RAD51B: variants seen among roughly 807,000 people sequenced by gnomAD.
RAD51B encodes the protein RAD51 paralog B.
RAD51B carries 38 observed loss-of-function variants against 42.2 expected under a neutral mutation model. The ratio of observed to expected loss-of-function variants is 0.90; its 90% CI spans 0.70 to 1.18. The LOEUF is 1.18. Among genes scored for constraint, RAD51B ranks in the 50% most tolerant of loss-of-function variants. The pLI, the probability that RAD51B is intolerant of heterozygous loss-of-function variation, is 0.00. For missense variants in RAD51B, 373 were observed against 400.7 expected (o/e 0.93, Z 0.59); for synonymous variants, 154 against 145.2 (o/e 1.06, Z -0.43).
At chr14:68,205,920 T>C (rs1293935013) in intron 7 of RAD51B, among the ~76,000 whole-genome samples, 1 of 152,230 alleles carries the variant, frequency 6.6e-6, no homozygotes, top group Non-Finnish European at 1.5e-5. Flanking sequence ...TAAATACTTC[T>C]ATCTAATCTA....
chr14:68,588,298 G>T (rs1890584373), intron 10 of RAD51B, among the ~76,000 whole-genome samples: 1 of 152,186 alleles, frequency 6.6e-6, no homozygotes, highest in South Asian at 2.1e-4. Flanking sequence ...CCTAGTCAAT[G>T]TTAGCAGCAC....
intron 7 of RAD51B, among the ~76,000 whole-genome samples, chr14:67,923,363 G>A (rs1324545185): frequency 8.1e-5 from 12 of 147,248 alleles, no homozygotes; most frequent in Non-Finnish European, 1.3e-4. Flanking sequence ...GCAATGGTGC[G>A]ATCTCGGCTT....
chr14:68,587,533 A>G (rs1244899934), intron 10 of RAD51B, among the ~76,000 whole-genome samples: 1 of 151,822 alleles, frequency 6.6e-6, no homozygotes, highest in African/African-American at 2.4e-5. Context: ...GGAGAAGCAA[A>G]CCCCTAATTC....
chr14:67,834,783 C>G (rs957589170), intron 3 of RAD51B, among the ~76,000 whole-genome samples: 2 of 152,152 alleles, frequency 1.3e-5, no homozygotes, highest in African/African-American at 4.8e-5. Flanking sequence ...TATACTTTCC[C>G]TATTACAATA....
chr14:68,475,077 G>A (rs1331999751), intron 10 of RAD51B, among the ~76,000 whole-genome samples: 1 of 152,224 alleles, frequency 6.6e-6, no homozygotes, highest in Non-Finnish European at 1.5e-5. Flanking sequence ...GCATGAGATA[G>A]AGAATGGTGG....
chr14:68,176,393 A>T (rs193190002), intron 7 of RAD51B, among the ~76,000 whole-genome samples: 1 of 152,156 alleles, frequency 6.6e-6, no homozygotes, highest in Non-Finnish European at 1.5e-5. Flanking sequence ...GTTCTCAAAG[A>T]CTTAGCTCTT....
At chr14:68,258,989 A>G (rs1162874961) in intron 7 of RAD51B, among the ~76,000 whole-genome samples, 1 of 152,194 alleles carries the variant, frequency 6.6e-6, no homozygotes, top group East Asian at 1.9e-4. Context: ...GTCCCTAGTC[A>G]AGGTTAACTA....
At chr14:68,535,784 T>C (rs1887581477) in intron 10 of RAD51B, among the ~76,000 whole-genome samples, 1 of 152,172 alleles carries the variant, frequency 6.6e-6, no homozygotes, top group African/African-American at 2.4e-5. Flanking sequence ...ACTATTTCTG[T>C]GTGAAGCCTC....
chr14:67,930,772 T>G (rs1017628511), intron 7 of RAD51B, among the ~76,000 whole-genome samples: 3 of 152,340 alleles, frequency 2.0e-5, no homozygotes, highest in Admixed American at 2.0e-4. Flanking sequence ...AATAGGTTTT[T>G]GAGCATTTTT....
chr14:68,491,895 G>C (rs1884105342), intron 10 of RAD51B, among the ~76,000 whole-genome samples: 1 of 152,198 alleles, frequency 6.6e-6, no homozygotes, highest in Admixed American at 6.5e-5. Flanking sequence ...AAACTCTCAA[G>C]TAACGCTTTT....
intron 7 of RAD51B, among the ~76,000 whole-genome samples, chr14:68,252,567 A>G (rs895847171): frequency 1.3e-5 from 2 of 152,198 alleles, no homozygotes; most frequent in East Asian, 3.8e-4. Flanking sequence ...TAATAGGGTC[A>G]CACTTATATA....
Position 68,072,079 on chromosome 14 carries a change from A to ATT in RAD51B, c.756+184876_756+184877insTT, listed in dbSNP as rs1555351008. Among the ~76,000 whole-genome samples, 8 of 107,980 alleles carry ATT rather than the reference A, an allele frequency of 7.4e-5. 1 individual carries two copies. Among genetic ancestry groups the ATT allele is most frequent in the African/African-American group, 3.4e-4 (8 of 23,578 alleles). 70.8% of individuals were successfully genotyped at this position (107,980 alleles called of 152,430 possible). Reference sequence around the variant, plus strand: ...TATATATATTTATATAAATATATAAATATATATAAATATATAATATATAAA... The same window carrying ATT: ...TATATATATTTATATAAATATATAAATTTATATATAAATATATAATATATAAA... On this transcript the variant is annotated intron_variant, in intron 7 of 10. Coordinates refer to ENST00000471583, the MANE Select transcript of RAD51B (RefSeq NM_133510.4).
At chr14:68,515,782 T>TC (rs1239327742) in intron 10 of RAD51B, among the ~76,000 whole-genome samples, 8 of 144,584 alleles carry the variant, frequency 5.5e-5, no homozygotes, top group East Asian at 3.9e-4. Context: ...TCTTTTCTTT[T>TC]TTTTTTTTTT....
At chr14:68,608,372 G>A (rs778786141) in intron 10 of RAD51B, among the ~76,000 whole-genome samples, 17 of 152,136 alleles carry the variant, frequency 1.1e-4, no homozygotes, top group Non-Finnish European at 1.8e-4. Flanking sequence ...CCACCACCCC[G>A]AGTCCTTCCC....
intron 4 of RAD51B, among the ~76,000 whole-genome samples, chr14:67,841,458 A>G (rs572508535): frequency 6.6e-6 from 1 of 152,220 alleles, no homozygotes; most frequent in African/African-American, 2.4e-5. Flanking sequence ...TTTTTGTTAC[A>G]ATATTTTTGA....
intron 8 of RAD51B, among the ~76,000 whole-genome samples, chr14:68,391,491 G>A (rs2083757448): frequency 6.6e-6 from 1 of 152,074 alleles, no homozygotes; most frequent in Non-Finnish European, 1.5e-5. Context: ...GCAGCCTCAG[G>A]ACTTGAGCTA....
intron 10 of RAD51B, among the ~76,000 whole-genome samples, chr14:68,636,591 A>G (rs1363626127): frequency 6.6e-6 from 1 of 152,036 alleles, no homozygotes; most frequent in African/African-American, 2.4e-5. Context: ...TCAAAAAAAA[A>G]AAAAAAAAAA....
chr14:68,431,794 C>T (rs1439052520), intron 9 of RAD51B, among the ~76,000 whole-genome samples: 1 of 152,180 alleles, frequency 6.6e-6, no homozygotes, highest in African/African-American at 2.4e-5. Context: ...CTTCTGCTAG[C>T]TTTTGAATGT....
intron 10 of RAD51B, among the ~76,000 whole-genome samples, chr14:68,523,931 G>T (rs183299658): frequency 6.6e-6 from 1 of 152,320 alleles, no homozygotes; most frequent in Non-Finnish European, 1.5e-5. Flanking sequence ...TGCTCAAAAT[G>T]GAGTGAATAT....
Sources: allele counts gnomAD v4.1 joint callset (sites outside exome capture counted in the v4.1 genomes callset), GRCh38; gene constraint gnomAD v4.1.1; transcripts MANE v1.5; gene names NCBI Gene and HGNC (gene_info 2026-07-23, HGNC 2026-07-21).